CHCHD3: variants seen among roughly 807,000 people sequenced by gnomAD.
CHCHD3 encodes coiled-coil-helix-coiled-coil-helix domain containing 3.
In CHCHD3, 20 loss-of-function variants were observed where a neutral mutation model predicts 38.2. The ratio of observed to expected loss-of-function variants is 0.52; its 90% CI spans 0.37 to 0.76. CHCHD3 has a LOEUF of 0.76. Among genes scored for constraint, CHCHD3 ranks in the 30% least tolerant of loss-of-function variants. CHCHD3 has a pLI of 0.00. For missense variants in CHCHD3, 245 were observed against 279.2 expected (o/e 0.88, Z 0.87); for synonymous variants, 82 against 100.0 (o/e 0.82, Z 1.07).
chr7:132,802,307 CT>C (rs974586192), intron 6 of CHCHD3, among the ~76,000 whole-genome samples: 17 of 152,042 alleles, frequency 1.1e-4, no homozygotes, highest in African/African-American at 3.9e-4. Context: ...GTAACACACC[CT>C]GACACGATGG....
intron 4 of CHCHD3, among the ~76,000 whole-genome samples, chr7:132,900,861 G>A (rs1045124955): frequency 1.3e-5 from 2 of 152,010 alleles, no homozygotes; most frequent in Admixed American, 6.6e-5. Context: ...TGTGGTGGTG[G>A]GCACCTGTGG....
chr7:132,871,057 G>C (rs1402776841), intron 5 of CHCHD3, among the ~76,000 whole-genome samples: 2 of 152,158 alleles, frequency 1.3e-5, no homozygotes, highest in African/African-American at 4.8e-5. Context: ...GGCAAGACTT[G>C]AAGCACAGAA....
intron 4 of CHCHD3, among the ~76,000 whole-genome samples, chr7:132,970,226 T>C (rs754713408): frequency 3.3e-5 from 5 of 152,178 alleles, no homozygotes; most frequent in Non-Finnish European, 5.9e-5. Flanking sequence ...GGCTGTTTCA[T>C]CCCACTCCTC....
chr7:132,974,083 A>G, intron 4 of CHCHD3: 3 of 1,208,536 alleles, frequency 2.5e-6, no homozygotes, highest in East Asian at 5.8e-5. Context: ...AAGGCAGAAC[A>G]TTATTCAGCC....
At chr7:132,984,760 T>G (rs143641567) in intron 3 of CHCHD3, among the ~76,000 whole-genome samples, 30,487 of 144,396 alleles carry the variant, frequency 0.21, 3,517 homozygotes, top group South Asian at 0.28. Context: ...CCGGCCCGTC[T>G]GAGAAGTGAG....
chr7:133,062,336 A>T (rs879908327), intron 2 of CHCHD3, among the ~76,000 whole-genome samples: 20 of 152,360 alleles, frequency 1.3e-4, no homozygotes, highest in Non-Finnish European at 2.8e-4. Flanking sequence ...CAACAAATGT[A>T]TGAAATTTAA....
chr7:132,914,123 CGTGTGTGTGTGTGTGTGT>C lies in CHCHD3; in HGVS notation c.370-28396_370-28379del, dbSNP rs200561468. ...TACAGATGCCCACCACCATGCCTGG[CGTGTGTGTGTGTGTGTGT>C]GTGTGTGTGTGTGTGTGTGTGTGTG... On this transcript the variant is annotated intron_variant, in intron 4 of 7. Coordinates refer to ENST00000262570, the MANE Select transcript of CHCHD3 (RefSeq NM_017812.4). Among the ~76,000 whole-genome samples the C allele has an allele frequency of 2.2e-4, 29 of 132,290 alleles. No individual in the cohort carries two copies. The East Asian group carries it at 2.5e-3, about 11-fold the overall frequency. The allele number at this position is 132,290 out of a possible 152,430, so 86.8% of individuals were successfully genotyped here. A position where few individuals can be genotyped will look rare whatever the true frequency, so the allele number is the denominator to read the frequency against.
At chr7:132,935,388 G>A (rs1810612392) in intron 4 of CHCHD3, among the ~76,000 whole-genome samples, 1 of 152,020 alleles carries the variant, frequency 6.6e-6, no homozygotes. Flanking sequence ...TTTTTAATAT[G>A]AAAATACAAT....
At chr7:133,042,954 T>G (rs1813873443) in intron 2 of CHCHD3, among the ~76,000 whole-genome samples, 1 of 152,084 alleles carries the variant, frequency 6.6e-6, no homozygotes, top group African/African-American at 2.4e-5. Context: ...GTAGCATCAA[T>G]GGCCAGGGCT....
At chr7:132,826,068 T>G (rs1194113628) in intron 6 of CHCHD3, among the ~76,000 whole-genome samples, 2 of 152,200 alleles carry the variant, frequency 1.3e-5, no homozygotes, top group African/African-American at 4.8e-5. Flanking sequence ...GCTGAATGCA[T>G]CTCTCACATA....
chr7:133,010,013 G>C (rs1812818053), intron 3 of CHCHD3, among the ~76,000 whole-genome samples: 1 of 130,318 alleles, frequency 7.7e-6, no homozygotes, highest in Admixed American at 8.1e-5. Flanking sequence ...CCTCATATCA[G>C]AAAATGAAAG....
intron 3 of CHCHD3, among the ~76,000 whole-genome samples, chr7:132,979,144 T>C (rs1811848994): frequency 6.6e-6 from 1 of 152,180 alleles, no homozygotes; most frequent in Admixed American, 6.5e-5. Flanking sequence ...ATAAACATTC[T>C]AAAAAGTCTA....
chr7:132,940,977 A>G (rs1261242510), intron 4 of CHCHD3, among the ~76,000 whole-genome samples: 1 of 152,148 alleles, frequency 6.6e-6, no homozygotes, highest in African/African-American at 2.4e-5. Flanking sequence ...ATATAACCCA[A>G]GAAGCCACTT....
chr7:133,010,571 G>T (rs1347583467), intron 3 of CHCHD3, among the ~76,000 whole-genome samples: 6 of 151,888 alleles, frequency 4.0e-5, no homozygotes, highest in African/African-American at 1.5e-4. Context: ...AATGAATTTT[G>T]CCCTCATAGA....
At chr7:133,051,523 C>G (rs2117501759) in intron 2 of CHCHD3, among the ~76,000 whole-genome samples, 1 of 152,262 alleles carries the variant, frequency 6.6e-6, no homozygotes, top group African/African-American at 2.4e-5. Flanking sequence ...CCAAATAATG[C>G]AACATAAATA....
chr7:133,005,961 C>T (rs1376938208), intron 3 of CHCHD3, among the ~76,000 whole-genome samples: 1 of 152,188 alleles, frequency 6.6e-6, no homozygotes, highest in Non-Finnish European at 1.5e-5. Context: ...TATTGCATAT[C>T]TGTTGTATCT....
At chr7:132,975,353 T>C (rs1811736217) in intron 3 of CHCHD3, 67 bp from the exon 4 acceptor site, 1 of 1,331,122 alleles carries the variant, frequency 7.5e-7, no homozygotes, top group Non-Finnish European at 1.1e-6. Flanking sequence ...TTCTATCAAA[T>C]GAAATAATTT....
intron 2 of CHCHD3, among the ~76,000 whole-genome samples, chr7:133,068,554 T>C (rs1289550362): frequency 6.6e-6 from 1 of 152,190 alleles, no homozygotes; most frequent in Non-Finnish European, 1.5e-5. Context: ...CTGATTTGCT[T>C]TTCTTCAAAA....
intron 4 of CHCHD3, among the ~76,000 whole-genome samples, chr7:132,961,339 G>A (rs1006922301): frequency 2.0e-5 from 3 of 152,122 alleles, no homozygotes; most frequent in Admixed American, 6.5e-5. Flanking sequence ...GCAACCATTC[G>A]AAAAGATGAA....
Sources: allele counts gnomAD v4.1 joint callset (sites outside exome capture counted in the v4.1 genomes callset), GRCh38; gene constraint gnomAD v4.1.1; transcripts MANE v1.5; gene names NCBI Gene and HGNC (gene_info 2026-07-23, HGNC 2026-07-21).